PARD3B: variants seen among roughly 807,000 people sequenced by gnomAD.
The protein encoded by PARD3B is partitioning defective 3 homolog B.
A neutral mutation model predicts 130.2 loss-of-function variants in PARD3B; 103 were observed. The observed-to-expected ratio is 0.79, with a 90% CI of 0.67 to 0.93. The LOEUF (loss-of-function observed/expected upper bound fraction) is 0.93. Ranked by LOEUF, PARD3B falls within the 40% of genes least tolerant of loss-of-function variation. The pLI is 0.00. For missense variants in PARD3B, 1,609 were observed against 1,499.2 expected, an observed-to-expected ratio of 1.07 and a Z score of -1.21; for synonymous variants, 583 against 553.2, an observed-to-expected ratio of 1.05 and a Z score of -0.76.
At chr2:205,335,476 G>T (rs2043278635) in intron 18 of PARD3B, among the ~76,000 whole-genome samples, 1 of 152,154 alleles carries the variant, frequency 6.6e-6, no homozygotes, top group African/African-American at 2.4e-5. Context: ...GTGTTGCACT[G>T]AAGTGCCATG....
intron 13 of PARD3B, among the ~76,000 whole-genome samples, chr2:205,177,893 C>T (rs1225077145): frequency 6.6e-6 from 1 of 152,102 alleles, no homozygotes; most frequent in African/African-American, 2.4e-5. Flanking sequence ...CATGCACAGT[C>T]TGGATTCAAT....
chr2:205,020,476 G>C (rs914072080), intron 3 of PARD3B, among the ~76,000 whole-genome samples: 2 of 152,066 alleles, frequency 1.3e-5, no homozygotes, highest in Non-Finnish European at 2.9e-5. Context: ...TTATTCTTCT[G>C]TTCCATCTAA....
At chr2:205,540,465 C>G (rs567926648) in intron 21 of PARD3B, among the ~76,000 whole-genome samples, 1 of 152,140 alleles carries the variant, frequency 6.6e-6, no homozygotes, top group African/African-American at 2.4e-5. Flanking sequence ...TTTTTCTCTT[C>G]TGGGTATAAA....
intron 1 of PARD3B, among the ~76,000 whole-genome samples, chr2:204,633,776 C>G (rs1025108101): frequency 2.6e-5 from 4 of 152,106 alleles, no homozygotes; most frequent in Non-Finnish European, 5.9e-5. Flanking sequence ...CATGCCACTC[C>G]CCTCCAGCCT....
At chr2:204,760,215 T>A (rs2040841755) in intron 2 of PARD3B, among the ~76,000 whole-genome samples, 2 of 152,122 alleles carry the variant, frequency 1.3e-5, no homozygotes, top group African/African-American at 4.8e-5. Context: ...GGTTGTAACA[T>A]ACTCAAAGAG....
intron 2 of PARD3B, among the ~76,000 whole-genome samples, chr2:204,780,660 T>G (rs1414198349): frequency 6.6e-6 from 1 of 152,168 alleles, no homozygotes; most frequent in African/African-American, 2.4e-5. Context: ...GACTGCCATT[T>G]GGTACAGTGA....
chr2:204,603,035 A>G (rs2033577352), intron 1 of PARD3B, among the ~76,000 whole-genome samples: 1 of 152,122 alleles, frequency 6.6e-6, no homozygotes, highest in African/African-American at 2.4e-5. Flanking sequence ...GACTGATATT[A>G]CTGATGCTAG....
intron 1 of PARD3B, among the ~76,000 whole-genome samples, chr2:204,577,543 C>T (rs1000473835): frequency 7.2e-5 from 11 of 152,124 alleles, no homozygotes; most frequent in Non-Finnish European, 1.0e-4. Context: ...TACATTGCCC[C>T]GGTTTTTAAA....
At chr2:205,489,500 T>TATATATATGTATATATACAC (rs2049588815) in intron 20 of PARD3B, among the ~76,000 whole-genome samples, 5 of 139,400 alleles carry the variant, frequency 3.6e-5, no homozygotes, top group African/African-American at 8.0e-5. Flanking sequence ...TATGTGTGTA[T>TATATATATGTATATATACAC]ATATATATAC....
At chr2:204,979,199 C>CT (rs1214098212) in intron 3 of PARD3B, among the ~76,000 whole-genome samples, 1 of 147,194 alleles carries the variant, frequency 6.8e-6, no homozygotes, top group African/African-American at 2.6e-5. Context: ...GAGCGAGACT[C>CT]TGTCTCAAAA....
At chr2:204,831,323 A>G (rs1005929571) in intron 2 of PARD3B, among the ~76,000 whole-genome samples, 1 of 152,202 alleles carries the variant, frequency 6.6e-6, no homozygotes, top group Non-Finnish European at 1.5e-5. Context: ...AAGAAGTACA[A>G]TTTCTTATTA....
At chr2:205,068,567 C>T (rs1190730677) in intron 4 of PARD3B, among the ~76,000 whole-genome samples, 1 of 113,224 alleles carries the variant, frequency 8.8e-6, no homozygotes, top group Non-Finnish European at 1.8e-5. Context: ...TAAGAATAGA[C>T]AAGGAATGAA....
chr2:204,571,664 G>T (rs2032012934), intron 1 of PARD3B, among the ~76,000 whole-genome samples: 1 of 152,066 alleles, frequency 6.6e-6, no homozygotes, highest in Non-Finnish European at 1.5e-5. Flanking sequence ...AAAGCATTTT[G>T]CTTTGTTTTG....
intron 10 of PARD3B, among the ~76,000 whole-genome samples, chr2:205,145,733 T>C (rs931248804): frequency 6.7e-6 from 1 of 150,222 alleles, no homozygotes; most frequent in Non-Finnish European, 1.5e-5. Context: ...GTTGTTTTCA[T>C]GGCCAGGGAA....
At chr2:205,123,944 T>C (rs914725363) in intron 8 of PARD3B, among the ~76,000 whole-genome samples, 7 of 152,172 alleles carry the variant, frequency 4.6e-5, no homozygotes, top group African/African-American at 1.7e-4. Flanking sequence ...CAGCCATAGG[T>C]TGTCCAGCTC....
At chr2:205,412,934 C>G (rs917363795) in intron 19 of PARD3B, among the ~76,000 whole-genome samples, 5 of 152,096 alleles carry the variant, frequency 3.3e-5, no homozygotes, top group African/African-American at 7.2e-5. Flanking sequence ...TATATAACAT[C>G]ATAGGAATGT....
intron 1 of PARD3B, among the ~76,000 whole-genome samples, chr2:204,621,811 C>T (rs1323770524): frequency 6.6e-6 from 1 of 152,270 alleles, no homozygotes; most frequent in South Asian, 2.1e-4. Flanking sequence ...TGGGTCTATA[C>T]AACTTGTAAA....
intron 18 of PARD3B, among the ~76,000 whole-genome samples, chr2:205,317,900 G>C (rs771121266): frequency 2.6e-5 from 4 of 151,980 alleles, no homozygotes; most frequent in Non-Finnish European, 5.9e-5. Context: ...CTTGGTATTA[G>C]AAAAAGCCAC....
Position 204,675,275 on chromosome 2 carries a change from A to C in PARD3B, c.121-10906A>C, listed in dbSNP as rs1283313990. On this transcript the variant is annotated intron_variant, in intron 1 of 22. Coordinates refer to ENST00000406610, the MANE Select transcript of PARD3B (RefSeq NM_001302769.2). The surrounding 1 kb of genome is among the most constrained non-coding windows in gnomAD (Gnocchi z 4.4). Reference sequence around the variant, plus strand: ...ACTGAGAATTGTTTTTAAATGGATTAAATCCATTTAATCTGCTTAAGTATA... The same window carrying C: ...ACTGAGAATTGTTTTTAAATGGATTCAATCCATTTAATCTGCTTAAGTATA... 1.3e-5 allele frequency among the ~76,000 whole-genome samples: 2 copies of C among 152,168 alleles called. No individual in the cohort carries two copies. Among genetic ancestry groups the C allele is most frequent in the Non-Finnish European group, 2.9e-5 (2 of 68,024 alleles).
Sources: gnomAD v4.1 joint callset for allele counts (sites outside exome capture counted in the v4.1 genomes callset) on GRCh38, gnomAD v4.1.1 for gene constraint, Gnocchi (gnomAD v3.1) non-coding constraint, MANE v1.5 for transcripts, NCBI Gene and HGNC (gene_info 2026-07-23, HGNC 2026-07-21) for gene names.